Variants in SH3GL3 observed in about 807,000 individuals in gnomAD.
SH3GL3 encodes SH3 domain containing GRB2 like 3, endophilin A3, also known as endophilin-A3.
In SH3GL3, 33 loss-of-function variants were observed where a neutral mutation model predicts 47.7. The observed-to-expected ratio is 0.69, with a 90% CI of 0.52 to 0.92. The LOEUF is 0.92. Among genes scored for constraint, SH3GL3 ranks in the 40% least tolerant of loss-of-function variants. The pLI is 0.00. For synonymous variants in SH3GL3, 155 were observed against 148.8 expected (o/e 1.04, Z -0.30); for missense variants, 363 against 417.8 (o/e 0.87, Z 1.14).
At chr15:83,576,875 T>G (rs2151782339) in intron 6 of SH3GL3, 134 bp downstream of exon 6, 1 of 383,516 alleles carries the variant, frequency 2.6e-6, no homozygotes, top group South Asian at 4.6e-5. Flanking sequence ...ACACATAAAA[T>G]ACACTAATAC....
chr15:83,466,992 G>A (rs2040598270), intron 1 of SH3GL3, among the ~76,000 whole-genome samples: 1 of 152,152 alleles, frequency 6.6e-6, no homozygotes, highest in Non-Finnish European at 1.5e-5. Flanking sequence ...CCAGTTTGTA[G>A]CTTGTCTTTT....
intron 1 of SH3GL3, among the ~76,000 whole-genome samples, chr15:83,518,686 G>A (rs2043089723): frequency 6.6e-6 from 1 of 152,134 alleles, no homozygotes; most frequent in South Asian, 2.1e-4. Context: ...CCATTCTGTG[G>A]AGTGTCTGTT....
At chr15:83,543,695 C>A (rs746404534) in intron 1 of SH3GL3, among the ~76,000 whole-genome samples, 70 of 151,942 alleles carry the variant, frequency 4.6e-4, no homozygotes, top group Admixed American at 2.2e-3. Context: ...GATCTTGTTA[C>A]TTGTCATTAG....
intron 1 of SH3GL3, among the ~76,000 whole-genome samples, chr15:83,504,800 G>C (rs1434125095): frequency 3.3e-5 from 5 of 152,220 alleles, no homozygotes; most frequent in African/African-American, 1.2e-4. Context: ...AACTGCGTGA[G>C]ATAACAGCCA....
At chr15:83,631,148 G>A in the SH3GL3 span, among the ~76,000 whole-genome samples, 1 of 152,206 alleles carries the variant, frequency 6.6e-6, no homozygotes. Context: ...GATCTCATTT[G>A]ATTCCATGTC....
intron 1 of SH3GL3, among the ~76,000 whole-genome samples, chr15:83,459,324 A>G (rs1045217388): frequency 6.6e-6 from 1 of 152,182 alleles, no homozygotes; most frequent in Non-Finnish European, 1.5e-5. Context: ...ACACCCAGAA[A>G]CAGTACTTTG....
At chr15:83,473,482 G>C (rs999477353) in intron 1 of SH3GL3, among the ~76,000 whole-genome samples, 3 of 151,718 alleles carry the variant, frequency 2.0e-5, no homozygotes, top group African/African-American at 7.3e-5. Flanking sequence ...CCCCTTGCTT[G>C]GTCCCTTGGC....
intron 1 of SH3GL3, among the ~76,000 whole-genome samples, chr15:83,557,988 T>C (rs1013751166): frequency 2.0e-5 from 3 of 151,864 alleles, no homozygotes; most frequent in African/African-American, 4.8e-5. Context: ...CACTTATATT[T>C]TTCCTATTAA....
At chr15:83,567,701 A>AGTGT (rs113075611) in intron 3 of SH3GL3, among the ~76,000 whole-genome samples, 9 of 151,436 alleles carry the variant, frequency 5.9e-5, no homozygotes, top group African/African-American at 2.2e-4. Context: ...TTGGGAGCAG[A>AGTGT]GTGTGTGTGT....
At chr15:83,616,025 C>T (rs573883653) in intron 8 of SH3GL3, among the ~76,000 whole-genome samples, 124 of 152,058 alleles carry the variant, frequency 8.2e-4, no homozygotes, top group African/African-American at 2.9e-3. Context: ...AAAATAGAAA[C>T]CCCTTTCCCT....
At chr15:83,512,189 G>A (rs1224684050) in intron 1 of SH3GL3, among the ~76,000 whole-genome samples, 1 of 151,930 alleles carries the variant, frequency 6.6e-6, no homozygotes, top group Non-Finnish European at 1.5e-5. Flanking sequence ...AATTCTTCTG[G>A]AACTCTTATT....
intron 8 of SH3GL3, among the ~76,000 whole-genome samples, chr15:83,608,608 T>C (rs529495318): frequency 6.8e-4 from 103 of 152,288 alleles, no homozygotes; most frequent in African/African-American, 2.3e-3. Flanking sequence ...TCAGAGGAGA[T>C]GGTATCTCAC....
At chr15:83,571,581 T>G (rs2151767928) in intron 4 of SH3GL3, among the ~76,000 whole-genome samples, 1 of 150,916 alleles carries the variant, frequency 6.6e-6, no homozygotes, top group Admixed American at 6.6e-5. Flanking sequence ...ATCTTTCTGT[T>G]TTTTTTTTAA....
At chr15:83,626,765 C>G in the SH3GL3 span, among the ~76,000 whole-genome samples, 2 of 152,178 alleles carry the variant, frequency 1.3e-5, no homozygotes, top group African/African-American at 4.8e-5. Flanking sequence ...GCACTTGTCT[C>G]TTTGTCCTTG....
chr15:83,556,918 C>T (rs945381880), intron 1 of SH3GL3, among the ~76,000 whole-genome samples: 6 of 152,184 alleles, frequency 3.9e-5, no homozygotes, highest in African/African-American at 1.4e-4. Flanking sequence ...ATCTCTGATC[C>T]ACGTGGTCTT....
intron 2 of SH3GL3, among the ~76,000 whole-genome samples, chr15:83,561,051 CCT>C (rs1298915341): frequency 6.6e-6 from 1 of 152,006 alleles, no homozygotes; most frequent in African/African-American, 2.4e-5. Flanking sequence ...ACTTCACATA[CCT>C]CTCTCATAAA....
chr15:83,543,656 TA>T (rs1459864762), intron 1 of SH3GL3, among the ~76,000 whole-genome samples: 1 of 152,054 alleles, frequency 6.6e-6, no homozygotes, highest in Non-Finnish European at 1.5e-5. Flanking sequence ...GAAGACTTTG[TA>T]TTTCAAACGA....
rs571019550 is a variant in SH3GL3, at chr15:83,447,422, G to T, written c.-112G>T. The T allele has an allele frequency of 3.4e-6, 3 of 878,432 alleles. No individual in the cohort carries two copies. The African/African-American group carries it at 5.4e-5, about 16-fold the overall frequency. The allele number at this position is 878,432 out of a possible 1,614,324, so 54.4% of individuals were successfully genotyped here. On this transcript the variant is annotated 5_prime_UTR_variant, in exon 1 of 9. Coordinates refer to ENST00000427482, the MANE Select transcript of SH3GL3 (RefSeq NM_003027.5). The surrounding 1 kb of genome is among the most constrained non-coding windows in gnomAD (Gnocchi z 5.1). ...GCCGTGGCCGTGGGAGGCGGGCCCG[G>T]CGGAGCCCAGCCGCGGGGGGACCGG...
At chr15:83,488,486 G>T (rs962510786) in intron 1 of SH3GL3, among the ~76,000 whole-genome samples, 4 of 152,222 alleles carry the variant, frequency 2.6e-5, no homozygotes, top group African/African-American at 9.7e-5. Context: ...GGAGCAGTCC[G>T]TGGAGTCAGG....
Sources: gnomAD v4.1 joint callset for allele counts (sites outside exome capture counted in the v4.1 genomes callset) on GRCh38, gnomAD v4.1.1 for gene constraint, Gnocchi (gnomAD v3.1) non-coding constraint, MANE v1.5 for transcripts, NCBI Gene and HGNC (gene_info 2026-07-23, HGNC 2026-07-21) for gene names.